Variants in PACRG observed in about 807,000 individuals in gnomAD.
The protein encoded by PACRG is parkin coregulated, also known as parkin coregulated gene protein.
A neutral mutation model predicts 29.7 loss-of-function variants in PACRG; 29 were observed. That is an observed-to-expected ratio of 0.98 (90% CI 0.73 to 1.33). PACRG has a LOEUF of 1.33. PACRG is among the 40% of genes most tolerant of loss of function. The pLI, the probability that PACRG is intolerant of heterozygous loss-of-function variation, is 0.00. For synonymous variants in PACRG, 116 were observed against 118.7 expected, an observed-to-expected ratio of 0.98 and a Z score of 0.15; for missense variants, 279 against 316.2, an observed-to-expected ratio of 0.88 and a Z score of 0.89.
chr6:163,177,630 T>A (rs1370324233), intron 4 of PACRG, among the ~76,000 whole-genome samples: 1 of 144,656 alleles, frequency 6.9e-6, no homozygotes, highest in Non-Finnish European at 1.5e-5. Flanking sequence ...GAGTGACGGA[T>A]CATAAAGCCC....
chr6:163,129,578 C>A (rs998205446), intron 4 of PACRG, among the ~76,000 whole-genome samples: 1 of 152,200 alleles, frequency 6.6e-6, no homozygotes, highest in Non-Finnish European at 1.5e-5. Context: ...TTAGAGGTGA[C>A]ACAGTACTCT....
intron 3 of PACRG, among the ~76,000 whole-genome samples, chr6:163,082,948 A>T (rs1375714272): frequency 2.0e-5 from 3 of 152,186 alleles, no homozygotes; most frequent in Non-Finnish European, 4.4e-5. Flanking sequence ...TGAAACTGCT[A>T]GGTTAGCTGT....
intron 2 of PACRG, among the ~76,000 whole-genome samples, chr6:163,033,429 T>TTAA (rs779736249): frequency 2.0e-5 from 3 of 152,248 alleles, no homozygotes; most frequent in Non-Finnish European, 2.9e-5. Flanking sequence ...TTTAGTAAAC[T>TTAA]TAATATTTGA....
chr6:162,990,690 C>T (rs1215485692), intron 2 of PACRG, among the ~76,000 whole-genome samples: 3 of 123,918 alleles, frequency 2.4e-5, no homozygotes, highest in Admixed American at 7.7e-5. Context: ...TTGTAGGTTG[C>T]CTGTTCACTC....
At chr6:163,213,473 C>T (rs368118124) in intron 4 of PACRG, among the ~76,000 whole-genome samples, 4 of 152,058 alleles carry the variant, frequency 2.6e-5, no homozygotes, top group Non-Finnish European at 2.9e-5. Context: ...AGTAATATAC[C>T]GGTGTTTGTT....
intron 1 of PACRG, among the ~76,000 whole-genome samples, chr6:162,743,373 G>A (rs573254634): frequency 6.6e-6 from 1 of 152,038 alleles, no homozygotes; most frequent in Non-Finnish European, 1.5e-5. Context: ...ATTTTTTAGT[G>A]TTAATCACTC....
intron 4 of PACRG, among the ~76,000 whole-genome samples, chr6:163,277,496 C>T (rs62428012): frequency 8.5e-5 from 5 of 58,680 alleles, no homozygotes; most frequent in Middle Eastern, 0.012. Flanking sequence ...TATATATATA[C>T]ACACATACAC....
chr6:163,166,631 A>C (rs1246144282), intron 4 of PACRG, among the ~76,000 whole-genome samples: 1 of 152,252 alleles, frequency 6.6e-6, no homozygotes, highest in East Asian at 1.9e-4. Flanking sequence ...AATGTCACAA[A>C]GCAAAATAAA....
intron 4 of PACRG, among the ~76,000 whole-genome samples, chr6:163,147,988 A>G (rs1225063823): frequency 6.6e-6 from 1 of 152,166 alleles, no homozygotes; most frequent in East Asian, 1.9e-4. Context: ...CACAGTAGAC[A>G]TTTGGTTAAT....
chr6:162,802,532 A>G (rs1271445385), intron 1 of PACRG, among the ~76,000 whole-genome samples: 1 of 152,044 alleles, frequency 6.6e-6, no homozygotes, highest in Non-Finnish European at 1.5e-5. Flanking sequence ...CCATTAATTT[A>G]CCTCTCTTTT....
chr6:162,953,904 T>C (rs1799835261), intron 2 of PACRG, among the ~76,000 whole-genome samples: 2 of 152,196 alleles, frequency 1.3e-5, no homozygotes, highest in African/African-American at 4.8e-5. Flanking sequence ...TATGAACTTA[T>C]CAATACTGCC....
intron 1 of PACRG, among the ~76,000 whole-genome samples, chr6:162,788,407 T>C (rs1784679771): frequency 6.6e-6 from 1 of 152,174 alleles, no homozygotes; most frequent in African/African-American, 2.4e-5. Context: ...TATTTATCCA[T>C]TCACCCACTG....
chr6:162,998,469 T>C (rs1333030894), intron 2 of PACRG, among the ~76,000 whole-genome samples: 1 of 152,234 alleles, frequency 6.6e-6, no homozygotes, highest in East Asian at 1.9e-4. Flanking sequence ...TTCTGCAATG[T>C]TTCTGCATCT....
chr6:163,232,823 C>A (rs1025137856), intron 4 of PACRG, among the ~76,000 whole-genome samples: 20 of 152,204 alleles, frequency 1.3e-4, no homozygotes, highest in Admixed American at 6.5e-5. Flanking sequence ...ACCTACCCCC[C>A]AGCTCACGCT....
chr6:163,032,145 G>A (rs1585046343), intron 2 of PACRG, among the ~76,000 whole-genome samples: 1 of 152,152 alleles, frequency 6.6e-6, no homozygotes, highest in Non-Finnish European at 1.5e-5. Flanking sequence ...GTTTACAGGA[G>A]TATAGTTTAC....
chr6:163,026,535 A>G (rs1292997715), intron 2 of PACRG, among the ~76,000 whole-genome samples: 1 of 152,248 alleles, frequency 6.6e-6, no homozygotes, highest in Non-Finnish European at 1.5e-5. Flanking sequence ...ATGTTTACAA[A>G]ACACTGTTAC....
intron 1 of PACRG, among the ~76,000 whole-genome samples, chr6:162,745,752 G>A (rs1183790010): frequency 6.6e-6 from 1 of 152,116 alleles, no homozygotes; most frequent in African/African-American, 2.4e-5. Flanking sequence ...TTTCAAGCCT[G>A]TGTGAGGTAA....
At chr6:162,745,654 A>G (rs1476312337) in intron 1 of PACRG, among the ~76,000 whole-genome samples, 2 of 152,214 alleles carry the variant, frequency 1.3e-5, no homozygotes, top group South Asian at 2.1e-4. Flanking sequence ...TCAAGGTTTA[A>G]TAACTAGGAT....
chr6:162,783,009 T>C (rs1784207361), intron 1 of PACRG, among the ~76,000 whole-genome samples: 1 of 151,898 alleles, frequency 6.6e-6, no homozygotes. Context: ...CTTCTAAATC[T>C]ATGTCCACTT....
Sources: gnomAD v4.1 joint callset for allele counts (sites outside exome capture counted in the v4.1 genomes callset) on GRCh38, gnomAD v4.1.1 for gene constraint, MANE v1.5 for transcripts, NCBI Gene and HGNC (gene_info 2026-07-23, HGNC 2026-07-21) for gene names.